Variants in PPARGC1A observed in about 807,000 individuals in gnomAD.
PPARGC1A encodes the protein peroxisome proliferator-activated receptor gamma coactivator 1-alpha.
In PPARGC1A, 25 loss-of-function variants were observed where a neutral mutation model predicts 88.7. That is an observed-to-expected ratio of 0.28 (90% confidence interval 0.21 to 0.39). PPARGC1A has a LOEUF of 0.39. Ranked by LOEUF, PPARGC1A falls within the 10% of genes least tolerant of loss-of-function variation. PPARGC1A has a pLI of 1.00. For missense variants in PPARGC1A, 880 were observed against 968.7 expected (o/e 0.91, Z 1.22); for synonymous variants, 363 against 355.6 (o/e 1.02, Z -0.24).
At chr4:24,442,852 G>A in the PPARGC1A span, among the ~76,000 whole-genome samples, 102 of 152,278 alleles carry the variant, frequency 6.7e-4, no homozygotes, top group African/African-American at 2.4e-3. Context: ...TCCAATTATG[G>A]TGGTGAACTG....
the PPARGC1A span, among the ~76,000 whole-genome samples, chr4:24,186,490 ACT>A: frequency 6.6e-6 from 1 of 151,396 alleles, no homozygotes; most frequent in East Asian, 1.9e-4. Context: ...GTGTATTCCC[ACT>A]CTCTGGATCT....
At chr4:23,848,809 T>C (rs1368108758) in intron 2 of PPARGC1A, among the ~76,000 whole-genome samples, 1 of 152,118 alleles carries the variant, frequency 6.6e-6, no homozygotes, top group Admixed American at 6.6e-5. Context: ...AATTCTGTCA[T>C]ATACAGGCCT....
chr4:24,437,594 T>TTTTTTG, the PPARGC1A span, among the ~76,000 whole-genome samples: 2 of 143,754 alleles, frequency 1.4e-5, no homozygotes, highest in South Asian at 4.5e-4. Context: ...GCACAGGTTT[T>TTTTTTG]TTGTTGTTGT....
At chr4:24,029,330 T>C in the PPARGC1A span, among the ~76,000 whole-genome samples, 6 of 152,208 alleles carry the variant, frequency 3.9e-5, no homozygotes, top group African/African-American at 1.2e-4. Flanking sequence ...CAACTTTTTT[T>C]CTCCATTCTA....
chr4:23,979,325 A>G, the PPARGC1A span, among the ~76,000 whole-genome samples: 1 of 152,224 alleles, frequency 6.6e-6, no homozygotes, highest in Non-Finnish European at 1.5e-5. Flanking sequence ...ATCTTTTATT[A>G]TAAATGTTAT....
chr4:24,206,840 T>TAAAA, the PPARGC1A span, among the ~76,000 whole-genome samples: 20 of 43,680 alleles, frequency 4.6e-4, no homozygotes, highest in African/African-American at 1.3e-3. Flanking sequence ...GACTTCACCT[T>TAAAA]AAAAAAAAAA....
the PPARGC1A span, among the ~76,000 whole-genome samples, chr4:24,148,503 G>A: frequency 6.6e-6 from 1 of 152,064 alleles, no homozygotes; most frequent in Admixed American, 6.5e-5. Context: ...CAACTACTAT[G>A]TGATCTGTCA....
intron 2 of PPARGC1A, chr4:23,881,225 C>T (rs1290613436): frequency 6.6e-6 from 1 of 152,200 alleles, no homozygotes; most frequent in Non-Finnish European, 1.5e-5. Context: ...GTTTTCCTTA[C>T]ACATGGATCA....
At chr4:24,397,793 A>G in the PPARGC1A span, among the ~76,000 whole-genome samples, 82 of 152,366 alleles carry the variant, frequency 5.4e-4, 2 homozygotes, top group African/African-American at 1.7e-3. Context: ...AAGTATTAAT[A>G]GCAAATATAG....
At chr4:24,281,081 A>C in the PPARGC1A span, among the ~76,000 whole-genome samples, 1 of 152,212 alleles carries the variant, frequency 6.6e-6, no homozygotes, top group Non-Finnish European at 1.5e-5. Context: ...ATACAAGATT[A>C]GGAACTAGAA....
At chr4:23,858,525 T>C (rs1429093134) in intron 2 of PPARGC1A, among the ~76,000 whole-genome samples, 2 of 152,210 alleles carry the variant, frequency 1.3e-5, no homozygotes. Context: ...CTTTAGGTTC[T>C]TGGGATACAA....
intron 7 of PPARGC1A, among the ~76,000 whole-genome samples, chr4:23,816,728 C>A (rs1420270430): frequency 6.6e-6 from 1 of 152,126 alleles, no homozygotes; most frequent in African/African-American, 2.4e-5. Flanking sequence ...CATGATCACC[C>A]CAAGCTAGGG....
the PPARGC1A span, among the ~76,000 whole-genome samples, chr4:24,407,360 G>A: frequency 3.1e-4 from 47 of 152,288 alleles, no homozygotes; most frequent in African/African-American, 1.1e-3. Context: ...AAACGAGGGC[G>A]TCATCCCTGC....
At chr4:24,414,725 T>G in the PPARGC1A span, among the ~76,000 whole-genome samples, 1 of 152,212 alleles carries the variant, frequency 6.6e-6, no homozygotes, top group Admixed American at 6.5e-5. Flanking sequence ...GTGCACCAGC[T>G]CTAAGCCAAA....
At chr4:24,470,506 G>A in the PPARGC1A span, among the ~76,000 whole-genome samples, 1 of 152,048 alleles carries the variant, frequency 6.6e-6, no homozygotes, top group Non-Finnish European at 1.5e-5. This position sits in a 1 kb window ranked among gnomAD's most constrained non-coding sequence, Gnocchi z 5.8. Flanking sequence ...ACGGGCAGCC[G>A]GGCACCCTCC....
chr4:24,102,366 T>C, the PPARGC1A span, among the ~76,000 whole-genome samples: 1 of 152,172 alleles, frequency 6.6e-6, no homozygotes, highest in African/African-American at 2.4e-5. Flanking sequence ...CCACACAGAC[T>C]AATACACAAC....
chr4:24,203,337 G>C, the PPARGC1A span, among the ~76,000 whole-genome samples: 1 of 152,094 alleles, frequency 6.6e-6, no homozygotes, highest in Non-Finnish European at 1.5e-5. Flanking sequence ...TCAGGAGTTC[G>C]AGACCAGTCT....
chr4:24,035,666 T>C, the PPARGC1A span, among the ~76,000 whole-genome samples: 1 of 152,102 alleles, frequency 6.6e-6, no homozygotes, highest in East Asian at 1.9e-4. Context: ...AAATTATGAG[T>C]AGCATGATGG....
chr4:23,802,021 G>A, intron 11 of PPARGC1A, 140 bp from the exon 12 acceptor site: 3 of 1,281,788 alleles, frequency 2.3e-6, no homozygotes, highest in Non-Finnish European at 3.2e-6. Context: ...GTCCTGTCAA[G>A]CAGCTAAATA....
Sources: gnomAD v4.1 joint callset for allele counts (sites outside exome capture counted in the v4.1 genomes callset) on GRCh38, gnomAD v4.1.1 for gene constraint, Gnocchi (gnomAD v3.1) non-coding constraint, MANE v1.5 for transcripts, NCBI Gene and HGNC (gene_info 2026-07-23, HGNC 2026-07-21) for gene names.